ADAMTSL3: variants seen among roughly 807,000 people sequenced by gnomAD.
ADAMTSL3 encodes ADAMTS like 3, also known as ADAMTS-like protein 3.
Under a neutral mutation model 201.7 loss-of-function variants are expected in ADAMTSL3, and 128 were observed. The ratio of observed to expected loss-of-function variants is 0.63; its 90% CI spans 0.55 to 0.73. The LOEUF (loss-of-function observed/expected upper bound fraction) is 0.73. ADAMTSL3 is among the 30% of genes least tolerant of loss of function. ADAMTSL3 has a pLI of 0.00. For synonymous variants in ADAMTSL3, 738 were observed against 748.4 expected, an observed-to-expected ratio of 0.99 and a Z score of 0.23; for missense variants, 1,990 against 2,119.6, an observed-to-expected ratio of 0.94 and a Z score of 1.20.
chr15:83,854,940 G>A (rs181249893), intron 7 of ADAMTSL3, among the ~76,000 whole-genome samples: 1 of 152,238 alleles, frequency 6.6e-6, no homozygotes, highest in Admixed American at 6.5e-5. Context: ...AGAGCAACAG[G>A]TGTTCCAAGC....
intron 26 of ADAMTSL3, among the ~76,000 whole-genome samples, chr15:84,023,759 A>G (rs1020743737): frequency 1.3e-5 from 2 of 152,218 alleles, no homozygotes; most frequent in Non-Finnish European, 2.9e-5. Context: ...TTTCATACCT[A>G]GAAGAGACCA....
At chr15:83,961,849 A>T (rs1452843586) in intron 19 of ADAMTSL3, 1 of 152,258 alleles carries the variant, frequency 6.6e-6, no homozygotes, top group Non-Finnish European at 1.5e-5. Flanking sequence ...AGACTAATCA[A>T]CTAACAATTA....
chr15:83,892,750 T>C lies in ADAMTSL3; in HGVS notation c.1329T>C (p.Phe443=). 6.2e-7 allele frequency: 1 copy of C among 1,614,042 alleles called. No homozygotes were observed. The highest frequency in any genetic ancestry group is 8.5e-7 in the Non-Finnish European group (1 of 1,179,980). The change falls in exon 13 of 30, where the codon TTT becomes TTC. Residue 443 remains phenylalanine, a synonymous_variant. Transcript: ENST00000286744. ...SCGGGIQRRS[F]VCVEESMHGE... is the part of the protein sequence containing the mutation. ...GAGGAGGGATTCAGAGACGGAGCTTTGTGTGTGTAGAGGAATCCATGCATG... is the reference window on the plus strand; with the variant it reads ...GAGGAGGGATTCAGAGACGGAGCTTCGTGTGTGTAGAGGAATCCATGCATG...
chr15:83,856,350 A>T (rs966862461), intron 7 of ADAMTSL3, among the ~76,000 whole-genome samples: 5 of 151,442 alleles, frequency 3.3e-5, no homozygotes, highest in African/African-American at 1.2e-4. Flanking sequence ...AAATTATAAA[A>T]TTTTTTGGTA....
chr15:83,914,028 TA>T (rs1390892106), intron 16 of ADAMTSL3, among the ~76,000 whole-genome samples: 2 of 152,146 alleles, frequency 1.3e-5, no homozygotes, highest in African/African-American at 4.8e-5. Context: ...CTGTTGAAAG[TA>T]AAAAGATAGA....
intron 3 of ADAMTSL3, among the ~76,000 whole-genome samples, chr15:83,713,569 A>G (rs2061961310): frequency 6.6e-6 from 1 of 152,138 alleles, no homozygotes; most frequent in Non-Finnish European, 1.5e-5. Context: ...ATGCACATGC[A>G]ACTGTACATG....
chr15:83,695,241 T>TGTATGTGTG (rs1567078387), intron 2 of ADAMTSL3, among the ~76,000 whole-genome samples: 1 of 27,272 alleles, frequency 3.7e-5, no homozygotes, highest in African/African-American at 1.4e-4. Flanking sequence ...TGTGTGTGTG[T>TGTATGTGTG]GTGTGTGTGT....
chr15:83,833,391 G>A (rs998585501), intron 6 of ADAMTSL3, among the ~76,000 whole-genome samples: 5 of 152,102 alleles, frequency 3.3e-5, no homozygotes, highest in African/African-American at 1.2e-4. Context: ...GGTATCCAGG[G>A]TATTTTTTAT....
intron 3 of ADAMTSL3, among the ~76,000 whole-genome samples, chr15:83,730,673 T>A (rs1460661983): frequency 1.3e-5 from 2 of 152,152 alleles, no homozygotes; most frequent in Admixed American, 1.3e-4. Context: ...TTTTGGATAT[T>A]AATCCTTTCT....
intron 7 of ADAMTSL3, among the ~76,000 whole-genome samples, chr15:83,843,305 G>A (rs923468082): frequency 2.0e-5 from 3 of 151,992 alleles, no homozygotes; most frequent in Non-Finnish European, 4.4e-5. Context: ...AGATCCTTCA[G>A]TGCAGGGCAT....
At chr15:83,891,012 CTAATA>C (rs1398935271) in intron 11 of ADAMTSL3, 3 of 237,166 alleles carry the variant, frequency 1.3e-5, no homozygotes, top group Non-Finnish European at 1.6e-5. Flanking sequence ...GTTAATATCA[CTAATA>C]TATTAAGAGA....
At chr15:84,031,246 T>C in intron 27 of ADAMTSL3, 89 bp from the exon 28 acceptor site, 1 of 1,315,734 alleles carries the variant, frequency 7.6e-7, no homozygotes, top group African/African-American at 1.4e-5. Flanking sequence ...TAATAGGTCT[T>C]CAGCTATCCT....
intron 15 of ADAMTSL3, among the ~76,000 whole-genome samples, chr15:83,911,619 A>C (rs1231408103): frequency 3.3e-5 from 5 of 152,272 alleles, no homozygotes; most frequent in African/African-American, 1.2e-4. Context: ...CCCACTAACA[A>C]TTTTCAACAC....
At position 83,911,849 on chromosome 15, in the gene ADAMTSL3, G is replaced by C. The variant is rs551055923; in HGVS notation, c.1701-1243G>C. Among the ~76,000 whole-genome samples the C allele has an allele frequency of 1.5e-4, 23 of 152,270 alleles. No individual in the cohort carries two copies. In the South Asian group the frequency reaches 4.6e-3, roughly 30 times the overall value. The stretch of plus-strand genomic sequence containing the variant: ...AACTGCATCTTAAACAAACATCTTA[G>C]CAGTGTTTTCTGAAGTCATTTAGTA... On this transcript the variant is annotated intron_variant, in intron 15 of 29. Transcript: ENST00000286744.
chr15:83,821,690 C>A (rs2063869575), intron 6 of ADAMTSL3, among the ~76,000 whole-genome samples: 1 of 152,236 alleles, frequency 6.6e-6, no homozygotes, highest in Non-Finnish European at 1.5e-5. Context: ...CTTTTCCCCA[C>A]CTTTCCCCAC....
At chr15:84,016,281 T>G (rs1007447843) in intron 24 of ADAMTSL3, 102 bp from the exon 25 acceptor site, 2 of 827,478 alleles carry the variant, frequency 2.4e-6, no homozygotes, top group Non-Finnish European at 3.9e-6. Context: ...AGTATTATTA[T>G]AGAGGACTCA....
intron 7 of ADAMTSL3, among the ~76,000 whole-genome samples, chr15:83,844,818 A>G (rs2064460920): frequency 6.6e-6 from 1 of 152,194 alleles, no homozygotes; most frequent in South Asian, 2.1e-4. Context: ...GGAATGTCAT[A>G]GATTGTATTT....
chr15:83,700,571 C>T (rs557354297), intron 2 of ADAMTSL3, among the ~76,000 whole-genome samples: 5 of 152,308 alleles, frequency 3.3e-5, no homozygotes, highest in Non-Finnish European at 7.3e-5. Flanking sequence ...CGAGACCAGC[C>T]TGGCCAACAT....
intron 2 of ADAMTSL3, among the ~76,000 whole-genome samples, chr15:83,687,642 C>T (rs1047292450): frequency 3.9e-5 from 6 of 152,108 alleles, no homozygotes; most frequent in Non-Finnish European, 5.9e-5. Context: ...TTCCCCCTCC[C>T]CGTTAACATA....
Sources: gnomAD v4.1 joint callset for allele counts (sites outside exome capture counted in the v4.1 genomes callset) on GRCh38, gnomAD v4.1.1 for gene constraint, MANE v1.5 for transcripts, NCBI Gene and HGNC (gene_info 2026-07-23, HGNC 2026-07-21) for gene names.